Variants in SLC4A8 observed in about 807,000 individuals in gnomAD.
The protein encoded by SLC4A8 is solute carrier family 4 member 8, also known as electroneutral sodium bicarbonate exchanger 1.
SLC4A8 carries 40 observed loss-of-function variants against 125.0 expected under a neutral mutation model. The ratio of observed to expected loss-of-function variants is 0.32; its 90% CI spans 0.25 to 0.42. SLC4A8 has a LOEUF of 0.42. SLC4A8 is among the 10% of genes least tolerant of loss of function. SLC4A8 has a pLI of 1.00. For synonymous variants in SLC4A8, 456 were observed against 476.0 expected, an observed-to-expected ratio of 0.96 and a Z score of 0.55; for missense variants, 863 against 1,355.1, an observed-to-expected ratio of 0.64 and a Z score of 5.70.
chr12:51,446,203 T>G (rs1357217091), intron 2 of SLC4A8, among the ~76,000 whole-genome samples: 1 of 152,172 alleles, frequency 6.6e-6, no homozygotes, highest in African/African-American at 2.4e-5. Context: ...TACATTATGT[T>G]CAGAGATCTG....
chr12:51,514,168 C>G lies in SLC4A8; in HGVS notation c.*6730C>G, dbSNP rs559705067. On this transcript the variant is annotated 3_prime_UTR_variant, in exon 25 of 25. Coordinates refer to ENST00000453097, the MANE Select transcript of SLC4A8 (RefSeq NM_001039960.3). The stretch of plus-strand genomic sequence containing the variant: ...TTTGTAAGGAAGTTAGCACCTCCTT[C>G]CAGGACTTTAAACAGTTGTCTTTGC... The G allele has an allele frequency of 2.0e-5, 3 of 152,764 alleles. No homozygotes were observed. In the South Asian group the frequency reaches 6.2e-4, roughly 32 times the overall value. 9.5% of individuals were successfully genotyped at this position (152,764 alleles called of 1,614,324 possible).
chr12:51,459,889 T>G (rs1950269772), intron 7 of SLC4A8, 62 bp from the exon 8 acceptor site: 11 of 1,446,534 alleles, frequency 7.6e-6, no homozygotes, highest in Non-Finnish European at 1.0e-5. Flanking sequence ...AAATAAAAAA[T>G]TTAAAAACGA....
At chr12:51,492,609 C>T (rs771542974) in intron 19 of SLC4A8, among the ~76,000 whole-genome samples, 8 of 152,182 alleles carry the variant, frequency 5.3e-5, no homozygotes, top group Non-Finnish European at 2.9e-5. Context: ...CAAACAACAT[C>T]GAATTGGAAT....
At chr12:51,500,881 T>G (rs1202983026) in intron 22 of SLC4A8, among the ~76,000 whole-genome samples, 2 of 151,424 alleles carry the variant, frequency 1.3e-5, no homozygotes, top group African/African-American at 4.8e-5. Context: ...TCTTTCTTTA[T>G]TTTTATTATT....
intron 5 of SLC4A8, among the ~76,000 whole-genome samples, chr12:51,455,687 C>T (rs145333217): frequency 1.4e-3 from 220 of 152,270 alleles, no homozygotes; most frequent in African/African-American, 5.1e-3. Flanking sequence ...AAATCTTTCT[C>T]TATTTCAAGT....
At chr12:51,501,103 A>T (rs1937859968) in intron 22 of SLC4A8, among the ~76,000 whole-genome samples, 1 of 152,190 alleles carries the variant, frequency 6.6e-6, no homozygotes, top group Admixed American at 6.5e-5. Context: ...TGCTGGGATT[A>T]TAGGCGTGAG....
upstream of SLC4A8, chr12:51,424,760 A>C: frequency 4.1e-6 from 2 of 484,268 alleles, no homozygotes; most frequent in Non-Finnish European, 3.6e-6. Flanking sequence ...ACCGCCGGAC[A>C]GCGTCCTCCC....
At chr12:51,415,938 G>A (rs1948677125) in intron 1 of SLC4A8, among the ~76,000 whole-genome samples, 1 of 151,022 alleles carries the variant, frequency 6.6e-6, no homozygotes, top group Admixed American at 6.6e-5. Context: ...ATAATATAGT[G>A]CCTATATTTG....
chr12:51,467,868 C>T (rs1293857412), intron 11 of SLC4A8, among the ~76,000 whole-genome samples: 1 of 152,136 alleles, frequency 6.6e-6, no homozygotes. Flanking sequence ...TTAATTAGGA[C>T]ATTAAAAAAA....
At chr12:51,463,202 T>G (rs569062174) in intron 10 of SLC4A8, among the ~76,000 whole-genome samples, 1 of 152,204 alleles carries the variant, frequency 6.6e-6, no homozygotes, top group Non-Finnish European at 1.5e-5. Context: ...CCCAGGAACA[T>G]CCCTCAAAAG....
intron 22 of SLC4A8, among the ~76,000 whole-genome samples, chr12:51,499,787 T>G (rs144691059): frequency 1.6e-4 from 25 of 152,120 alleles, no homozygotes; most frequent in Non-Finnish European, 2.9e-4. Flanking sequence ...AGAAGCAAAT[T>G]ATGAGAATAT....
intron 2 of SLC4A8, among the ~76,000 whole-genome samples, chr12:51,443,221 A>C (rs1230648803): frequency 6.6e-6 from 1 of 152,180 alleles, no homozygotes; most frequent in East Asian, 1.9e-4. Flanking sequence ...TCCTGGGCTC[A>C]AGTGATCCTC....
intron 1 of SLC4A8, among the ~76,000 whole-genome samples, chr12:51,431,200 C>G (rs1292451149): frequency 6.6e-6 from 1 of 152,184 alleles, no homozygotes; most frequent in African/African-American, 2.4e-5. Context: ...AGTCTTCTGT[C>G]TCTCTCTTTC....
At chr12:51,410,111 T>G (rs1435047529) in intron 1 of SLC4A8, among the ~76,000 whole-genome samples, 2 of 152,172 alleles carry the variant, frequency 1.3e-5, no homozygotes, top group Non-Finnish European at 2.9e-5. Context: ...ATTTCAGAAT[T>G]GGTCCCTGGA....
At chr12:51,431,539 G>C (rs1017573003) in intron 1 of SLC4A8, among the ~76,000 whole-genome samples, 1 of 152,188 alleles carries the variant, frequency 6.6e-6, no homozygotes, top group Non-Finnish European at 1.5e-5. Context: ...GAAGCTCATG[G>C]GTATTCAGGA....
At chr12:51,452,306 G>A (rs1995691) in intron 4 of SLC4A8, 47 bp downstream of exon 4, 860,520 of 1,608,048 alleles carry the variant, frequency 0.54, 231,711 homozygotes, top group African/African-American at 0.58. Flanking sequence ...GGGTAGGCAA[G>A]TGTGTACCCT....
upstream of SLC4A8, among the ~76,000 whole-genome samples, chr12:51,424,068 A>AC (rs1948878596): frequency 7.7e-6 from 1 of 129,682 alleles, no homozygotes; most frequent in African/African-American, 2.7e-5. Context: ...AAAAACAACA[A>AC]AAAAAAAACA....
At chr12:51,409,086 A>G (rs1369408186) in intron 1 of SLC4A8, among the ~76,000 whole-genome samples, 2 of 151,914 alleles carry the variant, frequency 1.3e-5, no homozygotes, top group Non-Finnish European at 2.9e-5. Context: ...GTGCAGTGGC[A>G]CAATCATGAC....
Position 51,450,785 on chromosome 12 carries a change from A to T in SLC4A8, c.131-91A>T. On this transcript the variant is annotated intron_variant, in intron 2 of 24. Coordinates refer to ENST00000453097, the MANE Select transcript of SLC4A8 (RefSeq NM_001039960.3). ...TGTGACCAGACCAAAGAACTGTGAT[A>T]TTTTTTTCTCTTAACTATGCTAGGC... 6 of 1,401,878 alleles carry T rather than the reference A, an allele frequency of 4.3e-6. No individual in the cohort carries two copies. The South Asian group carries it at 4.9e-5, about 11-fold the overall frequency. The allele number at this position is 1,401,878 out of a possible 1,614,324, so 86.8% of individuals were successfully genotyped here.
Sources: allele counts gnomAD v4.1 joint callset (sites outside exome capture counted in the v4.1 genomes callset), GRCh38; gene constraint gnomAD v4.1.1; transcripts MANE v1.5; gene names NCBI Gene and HGNC (gene_info 2026-07-23, HGNC 2026-07-21).